MAP3K19: variants seen among roughly 807,000 people sequenced by gnomAD.
MAP3K19 encodes the protein mitogen-activated protein kinase kinase kinase 19.
In MAP3K19, 91 loss-of-function variants were observed where a neutral mutation model predicts 114.4. The observed-to-expected ratio is 0.80, with a 90% CI of 0.67 to 0.95. The LOEUF is 0.95. Among genes scored for constraint, MAP3K19 ranks in the 40% least tolerant of loss-of-function variants. The pLI, the probability that MAP3K19 is intolerant of heterozygous loss-of-function variation, is 0.00. For missense variants in MAP3K19, 1,471 were observed against 1,573.2 expected, an observed-to-expected ratio of 0.94 and a Z score of 1.10; for synonymous variants, 518 against 530.5, an observed-to-expected ratio of 0.98 and a Z score of 0.32.
chr2:135,005,193 G>C (rs1686728886), intron 6 of MAP3K19, among the ~76,000 whole-genome samples: 1 of 152,082 alleles, frequency 6.6e-6, no homozygotes, highest in Non-Finnish European at 1.5e-5. Flanking sequence ...ACAAGTGCAG[G>C]TTTGTTCCAT....
At chr2:134,977,229 T>A (rs1684302728) in intron 12 of MAP3K19, among the ~76,000 whole-genome samples, 2 of 150,946 alleles carry the variant, frequency 1.3e-5, no homozygotes, top group South Asian at 4.2e-4. Context: ...TTGCCAAAGC[T>A]GGAGTGCAGT....
In MAP3K19 at chr2:134,986,704, A is replaced by G. The variant is rs921639256; in HGVS notation, c.2168T>C (p.Met723Thr). The G allele has an allele frequency of 2.5e-6, 4 of 1,613,976 alleles. No homozygotes were observed. Among genetic ancestry groups the G allele is most frequent in the Non-Finnish European group, 3.4e-6 (4 of 1,180,024 alleles). ...GCCAAATGAAGTCTTTGGGCATTTC[A>G]TATGTGTTTTTTTCTGAGAAAGTCT... ...RTRLSQKKTH[M>T]KCPKTSFGIK... is the part of the protein sequence containing the mutation. Residue 723 changes from methionine (M) to threonine (T), a missense_variant, in exon 10 of 13, where the codon ATG becomes ACG. Met to Thr is a moderately conservative substitution (Grantham distance 81). Transcript: ENST00000392915.
At chr2:135,018,223 G>A (rs548983545) in intron 5 of MAP3K19, among the ~76,000 whole-genome samples, 22 of 150,090 alleles carry the variant, frequency 1.5e-4, no homozygotes, top group East Asian at 7.8e-4. Context: ...CCCGGGCAGC[G>A]GAGGTTGTGG....
intron 1 of MAP3K19, among the ~76,000 whole-genome samples, chr2:135,043,001 T>A (rs774719875): frequency 4.6e-5 from 7 of 151,986 alleles, no homozygotes; most frequent in Non-Finnish European, 1.0e-4. Context: ...AAGAATCACT[T>A]GAACCCAGGA....
chr2:135,024,302 C>T (rs1410127764), intron 4 of MAP3K19, among the ~76,000 whole-genome samples: 1 of 151,918 alleles, frequency 6.6e-6, no homozygotes, highest in Admixed American at 6.6e-5. Flanking sequence ...CTTTTCCTAC[C>T]TATATCAAAC....
intron 12 of MAP3K19, among the ~76,000 whole-genome samples, chr2:134,968,625 T>G (rs1269853220): frequency 6.8e-6 from 1 of 146,058 alleles, no homozygotes; most frequent in African/African-American, 2.6e-5. Context: ...GTCTCCTCAC[T>G]TCTCAGACGG....
At chr2:134,970,200 T>C (rs1172370894) in intron 12 of MAP3K19, among the ~76,000 whole-genome samples, 2 of 152,230 alleles carry the variant, frequency 1.3e-5, no homozygotes, top group Non-Finnish European at 2.9e-5. Context: ...ATTGAATCCA[T>C]AAATAACTTT....
At position 135,025,847 on chromosome 2, in the gene MAP3K19, A is replaced by G. The variant is rs560026883; in HGVS notation, c.-94-1106T>C. Among the ~76,000 whole-genome samples the G allele has an allele frequency of 3.3e-5, 5 of 152,218 alleles. No homozygotes were observed. In the East Asian group the frequency reaches 9.7e-4, roughly 29 times the overall value. On this transcript the variant is annotated intron_variant, in intron 3 of 12. Transcript: ENST00000392915. The stretch of plus-strand genomic sequence containing the variant: ...ATGTTGTACTGAACCCTTGCATTAG[A>G]TATCAGCTCAGAGAAATCCAAAGTT...
rs764751957 is a variant in MAP3K19, at chr2:134,987,334, T to C, written c.1538A>G (p.His513Arg). ...PSLQTRKGTIHNNHSVNIPVH... is the reference protein window; with the variant it reads ...PSLQTRKGTIRNNHSVNIPVH... ...AGGTATGTTGACACTATGGTTGTTA[T>C]GAATGGTTCCCTTTCTTGTTTGGAG... Residue 513 changes from histidine (H) to arginine (R), a missense_variant, in exon 10 of 13, where the codon CAT (histidine) becomes CGT (arginine). His to Arg is a conservative substitution (Grantham distance 29, BLOSUM62 0). Transcript: ENST00000392915. 5.0e-6 allele frequency: 8 copies of C among 1,614,100 alleles called. No homozygotes were observed. Among genetic ancestry groups the C allele is most frequent in the South Asian group, 1.1e-5 (1 of 91,088 alleles).
chr2:135,024,887 T>C lies in MAP3K19; in HGVS notation c.-94-146A>G, dbSNP rs188667425. On this transcript the variant is annotated intron_variant, in intron 3 of 12. Transcript: ENST00000392915. ...ATAATAATAATGATTTCAAAATGTG[T>C]GAATAGAGGATGACAATTTTACAAG... is the stretch of plus-strand genomic sequence containing the variant. The C allele has an allele frequency of 1.4e-3, 627 of 450,522 alleles. 4 individuals carry two copies. Among genetic ancestry groups the C allele is most frequent in the African/African-American group, 0.012 (575 of 49,078 alleles). 27.9% of individuals were successfully genotyped at this position (450,522 alleles called of 1,614,324 possible).
At chr2:135,037,982 A>T (rs1230744368) in intron 2 of MAP3K19, among the ~76,000 whole-genome samples, 2 of 152,156 alleles carry the variant, frequency 1.3e-5, no homozygotes, top group Non-Finnish European at 2.9e-5. Flanking sequence ...ACGCTAACTC[A>T]TTAGCTGCGA....
intron 5 of MAP3K19, among the ~76,000 whole-genome samples, chr2:135,016,780 G>A (rs1405770747): frequency 6.6e-6 from 1 of 152,072 alleles, no homozygotes; most frequent in African/African-American, 2.4e-5. Flanking sequence ...TAAGACATCT[G>A]GTGCCATTCC....
intron 10 of MAP3K19, among the ~76,000 whole-genome samples, chr2:134,984,744 A>G (rs1684972271): frequency 6.6e-6 from 1 of 152,148 alleles, no homozygotes; most frequent in South Asian, 2.1e-4. Context: ...CGAGGTCAGG[A>G]GTTCCAAGAC....
chr2:135,012,224 G>T (rs983415080), intron 5 of MAP3K19, among the ~76,000 whole-genome samples: 1 of 151,786 alleles, frequency 6.6e-6, no homozygotes, highest in African/African-American at 2.4e-5. Flanking sequence ...GTTTAGGAGC[G>T]TCCCTGGCTT....
intron 5 of MAP3K19, among the ~76,000 whole-genome samples, chr2:135,016,920 G>T (rs1018944484): frequency 3.9e-5 from 6 of 152,148 alleles, no homozygotes; most frequent in Non-Finnish European, 8.8e-5. Context: ...GCAATGATGG[G>T]TCTTGCAGTG....
intron 2 of MAP3K19, among the ~76,000 whole-genome samples, chr2:135,036,820 G>A (rs1404089325): frequency 6.6e-6 from 1 of 152,010 alleles, no homozygotes; most frequent in East Asian, 1.9e-4. Context: ...GGAGGTCAAG[G>A]AAGAAAATAC....
Position 134,986,409 on chromosome 2 carries a change from A to T in MAP3K19, c.2463T>A (p.Asp821Glu). ...GTATTTGATTGTTAGAAATGTCTCTATCACCAGTAGACTCTTCCATAGAAA... is the reference window on the plus strand; with the variant it reads ...GTATTTGATTGTTAGAAATGTCTCTTTCACCAGTAGACTCTTCCATAGAAA... The part of the protein sequence containing the change: ...EEVSMEESTG[D>E]RDISNNQILT... The change falls in exon 10 of 13, where the codon GAT (aspartate) becomes GAA (glutamate). Residue 821 changes from aspartate to glutamate, a missense_variant. Asp to Glu is a conservative substitution (Grantham distance 45). Coordinates refer to ENST00000392915, the MANE Select transcript of MAP3K19 (RefSeq NM_025052.5). 1 of 1,613,930 alleles carries T rather than the reference A, an allele frequency of 6.2e-7. No homozygotes were observed. The highest frequency in any genetic ancestry group is 8.5e-7 in the Non-Finnish European group (1 of 1,180,022).
At chr2:135,029,892 T>C (rs1449121584) in intron 3 of MAP3K19, among the ~76,000 whole-genome samples, 1 of 152,208 alleles carries the variant, frequency 6.6e-6, no homozygotes, top group East Asian at 1.9e-4. Context: ...CAACTAAATA[T>C]TAGGCAAGGC....
intron 5 of MAP3K19, among the ~76,000 whole-genome samples, chr2:135,021,038 T>C (rs1227390724): frequency 6.6e-6 from 1 of 152,190 alleles, no homozygotes; most frequent in Non-Finnish European, 1.5e-5. Context: ...TTTGATTATT[T>C]AGTATGGATT....
Sources: gnomAD v4.1 joint callset for allele counts (sites outside exome capture counted in the v4.1 genomes callset) on GRCh38, gnomAD v4.1.1 for gene constraint, MANE v1.5 for transcripts, NCBI Gene and HGNC (gene_info 2026-07-23, HGNC 2026-07-21) for gene names.